DAB1: variants seen among roughly 807,000 people sequenced by gnomAD.
DAB1 encodes DAB adaptor protein 1.
DAB1 carries 15 observed loss-of-function variants against 64.6 expected under a neutral mutation model. The ratio of observed to expected loss-of-function variants is 0.23; its 90% CI spans 0.16 to 0.36. DAB1 has a LOEUF of 0.36. Ranked by LOEUF, DAB1 falls within the 10% of genes least tolerant of loss-of-function variation. The pLI is 1.00. For missense variants in DAB1, 596 were observed against 706.7 expected, an observed-to-expected ratio of 0.84 and a Z score of 1.78; for synonymous variants, 235 against 251.9, an observed-to-expected ratio of 0.93 and a Z score of 0.64.
intron 3 of DAB1, among the ~76,000 whole-genome samples, chr1:58,356,979 T>C (rs1644117343): frequency 6.8e-6 from 1 of 147,186 alleles, no homozygotes; most frequent in Admixed American, 7.0e-5. Flanking sequence ...TGAGCCGTGA[T>C]TGTACCACTT....
At chr1:58,116,821 G>C (rs1476616885) in intron 5 of DAB1, among the ~76,000 whole-genome samples, 1 of 152,186 alleles carries the variant, frequency 6.6e-6, no homozygotes, top group African/African-American at 2.4e-5. Flanking sequence ...ACATAAGCTT[G>C]CTAGCTGCCA....
chr1:57,250,003 G>A (rs1340527139), intron 2 of DAB1, among the ~76,000 whole-genome samples: 1 of 152,186 alleles, frequency 6.6e-6, no homozygotes, highest in East Asian at 1.9e-4. Flanking sequence ...GGCAAGCCCT[G>A]TGTCTTATTT....
At chr1:57,699,924 A>G (rs1015818262) in intron 6 of DAB1, among the ~76,000 whole-genome samples, 80 of 152,286 alleles carry the variant, frequency 5.3e-4, no homozygotes, top group African/African-American at 1.9e-3. Flanking sequence ...AGAAAAAAAA[A>G]TTAATAAGGA....
In DAB1 at chr1:57,911,355, G is replaced by T. The variant is rs148870389; in HGVS notation, n.388-27193C>A. Among the ~76,000 whole-genome samples the T allele has an allele frequency of 1.3e-3, 194 of 152,274 alleles. No individual in the cohort carries two copies. The Middle Eastern group carries it at 0.027, about 21-fold the overall frequency. Reference sequence around the variant, plus strand: ...CATATTCTCTTGCATGGTGGCTTTTGCTTAGGCTTTGTTGACAGGGAGATC... The same window carrying T: ...CATATTCTCTTGCATGGTGGCTTTTTCTTAGGCTTTGTTGACAGGGAGATC... On this transcript the variant is annotated intron_variant and non_coding_transcript_variant, in intron 5 of 20. Coordinates refer to the DAB1 transcript ENST00000485760.
intron 5 of DAB1, among the ~76,000 whole-genome samples, chr1:58,126,255 G>T (rs995223207): frequency 3.9e-5 from 6 of 152,048 alleles, no homozygotes; most frequent in African/African-American, 1.2e-4. Context: ...AACAGGAAAC[G>T]AAGAAGGGAA....
At chr1:57,650,063 G>A (rs569855936) in intron 6 of DAB1, among the ~76,000 whole-genome samples, 1 of 152,316 alleles carries the variant, frequency 6.6e-6, no homozygotes, top group South Asian at 2.1e-4. Context: ...AAACAGGCAG[G>A]CACTGGAGAA....
intron 7 of DAB1, among the ~76,000 whole-genome samples, chr1:57,534,400 C>T (rs1447471580): frequency 6.6e-6 from 1 of 152,158 alleles, no homozygotes; most frequent in African/African-American, 2.4e-5. Flanking sequence ...GGATTAAATC[C>T]TGTTGCAGCT....
At chr1:57,377,305 C>T (rs1417284778) in intron 1 of DAB1, among the ~76,000 whole-genome samples, 3 of 151,322 alleles carry the variant, frequency 2.0e-5, no homozygotes, top group African/African-American at 7.3e-5. Flanking sequence ...AGGCAGGCCA[C>T]TGATAAGGAG....
At chr1:57,242,440 G>A (rs1668562800) in intron 2 of DAB1, among the ~76,000 whole-genome samples, 1 of 152,116 alleles carries the variant, frequency 6.6e-6, no homozygotes, top group South Asian at 2.1e-4. Flanking sequence ...AATACACATG[G>A]GGTGCCTGCA....
At chr1:57,842,748 G>T (rs1443185716) in intron 1 of DAB1, among the ~76,000 whole-genome samples, 1 of 152,218 alleles carries the variant, frequency 6.6e-6, no homozygotes, top group African/African-American at 2.4e-5. Context: ...CCACTGGCAT[G>T]ATCCAATCAC....
At chr1:57,523,924 CA>C (rs202023900) in intron 7 of DAB1, among the ~76,000 whole-genome samples, 4 of 140,668 alleles carry the variant, frequency 2.8e-5, no homozygotes, top group Non-Finnish European at 6.2e-5. Flanking sequence ...GACTCTGTCT[CA>C]AAAAAAAAGA....
At chr1:57,093,703 A>G (rs1255152165) in intron 4 of DAB1, among the ~76,000 whole-genome samples, 1 of 152,194 alleles carries the variant, frequency 6.6e-6, no homozygotes, top group Non-Finnish European at 1.5e-5. Context: ...TAGAATCCTC[A>G]GTTTCAGGCT....
chr1:57,305,868 C>G (rs1228846798), intron 1 of DAB1, among the ~76,000 whole-genome samples: 1 of 149,518 alleles, frequency 6.7e-6, no homozygotes, highest in African/African-American at 2.5e-5. Flanking sequence ...ACTCAGGAGG[C>G]TGAGGCAGGA....
intron 9 of DAB1, among the ~76,000 whole-genome samples, chr1:57,062,139 A>G (rs760121187): frequency 8.5e-5 from 13 of 152,174 alleles, no homozygotes; most frequent in Non-Finnish European, 1.8e-4. Flanking sequence ...AGTACCACAC[A>G]GCTGGGAATT....
intron 6 of DAB1, among the ~76,000 whole-genome samples, chr1:57,656,380 G>A (rs1258005903): frequency 2.6e-5 from 4 of 152,070 alleles, no homozygotes; most frequent in Admixed American, 6.6e-5. Flanking sequence ...TTTTGTGCTC[G>A]CTTTGGCAAC....
chr1:58,463,693 C>T (rs1267930491), intron 3 of DAB1, among the ~76,000 whole-genome samples: 1 of 152,208 alleles, frequency 6.6e-6, no homozygotes. Flanking sequence ...CTGCTTCTGC[C>T]TCCATGGGCA....
intron 14 of DAB1, among the ~76,000 whole-genome samples, chr1:57,010,234 G>A (rs1038281256): frequency 2.0e-5 from 3 of 152,112 alleles, no homozygotes; most frequent in African/African-American, 7.2e-5. Context: ...TTATCAGGGT[G>A]GGCAGAATGT....
chr1:57,036,485 C>T (rs1055044757), intron 9 of DAB1, among the ~76,000 whole-genome samples: 1 of 152,154 alleles, frequency 6.6e-6, no homozygotes, highest in African/African-American at 2.4e-5. Flanking sequence ...GGAGATGCTG[C>T]CAGCTAATAA....
intron 5 of DAB1, among the ~76,000 whole-genome samples, chr1:58,079,515 CTTTTTTTTTTTT>C (rs66960756): frequency 5.9e-5 from 4 of 67,808 alleles, no homozygotes; most frequent in Non-Finnish European, 1.0e-4. Context: ...AGCATACCAT[CTTTTTTTTTTTT>C]TTTTTTTTTT....
Sources: gnomAD v4.1 joint callset for allele counts (sites outside exome capture counted in the v4.1 genomes callset) on GRCh38, gnomAD v4.1.1 for gene constraint, MANE v1.5 for transcripts, NCBI Gene and HGNC (gene_info 2026-07-23, HGNC 2026-07-21) for gene names.